PTBP2: variants seen among roughly 807,000 people sequenced by gnomAD.
PTBP2 encodes polypyrimidine tract binding protein 2.
A neutral mutation model predicts 61.4 loss-of-function variants in PTBP2; 13 were observed. The observed-to-expected ratio is 0.21, with a 90% CI of 0.14 to 0.34. The LOEUF (loss-of-function observed/expected upper bound fraction) is 0.34, where lower values mean the gene tolerates loss of function less well. PTBP2 is among the 10% of genes least tolerant of loss of function. The pLI is 1.00. For missense variants in PTBP2, 405 were observed against 642.6 expected, an observed-to-expected ratio of 0.63 and a Z score of 4.00; for synonymous variants, 215 against 218.5, an observed-to-expected ratio of 0.98 and a Z score of 0.14.
At chr1:96,754,977 T>A (rs1654996046) in intron 3 of PTBP2, among the ~76,000 whole-genome samples, 1 of 152,108 alleles carries the variant, frequency 6.6e-6, no homozygotes, top group African/African-American at 2.4e-5. Context: ...AAAAGCACAA[T>A]CTATTAAAAA....
intron 3 of PTBP2, among the ~76,000 whole-genome samples, chr1:96,759,060 A>T (rs938607715): frequency 8.5e-5 from 13 of 152,138 alleles, no homozygotes; most frequent in Non-Finnish European, 1.5e-5. Flanking sequence ...ATCAGACAAA[A>T]TATCAGGAAA....
At chr1:96,735,734 TAGGAGAAGC>T (rs1171944305) in intron 2 of PTBP2, among the ~76,000 whole-genome samples, 3 of 151,846 alleles carry the variant, frequency 2.0e-5, no homozygotes, top group Non-Finnish European at 4.4e-5. Context: ...GAGATGAAAA[TAGGAGAAGC>T]GTTAAAAATG....
intron 8 of PTBP2, among the ~76,000 whole-genome samples, chr1:96,791,629 A>G (rs1053370816): frequency 1.3e-5 from 2 of 152,088 alleles, no homozygotes; most frequent in Admixed American, 6.6e-5. Flanking sequence ...CTAAGAACTA[A>G]TCTTTTTGGA....
intron 2 of PTBP2, among the ~76,000 whole-genome samples, chr1:96,736,178 A>G (rs1652143700): frequency 6.6e-6 from 1 of 152,192 alleles, no homozygotes; most frequent in African/African-American, 2.4e-5. Context: ...CAAAAAAGCA[A>G]TTTAGGAAAT....
chr1:96,788,442 T>C (rs1004132578), intron 8 of PTBP2, among the ~76,000 whole-genome samples: 9 of 152,076 alleles, frequency 5.9e-5, no homozygotes, highest in African/African-American at 2.2e-4. Context: ...TCTTTTTGCT[T>C]TTTAAACATT....
intron 3 of PTBP2, among the ~76,000 whole-genome samples, chr1:96,762,247 C>G (rs1279982757): frequency 6.6e-6 from 1 of 150,992 alleles, no homozygotes; most frequent in African/African-American, 2.4e-5. Flanking sequence ...CTGTTGGGTA[C>G]ACCTCCCAGA....
chr1:96,772,647 A>G (rs920529210), intron 5 of PTBP2, among the ~76,000 whole-genome samples: 1 of 152,126 alleles, frequency 6.6e-6, no homozygotes, highest in East Asian at 1.9e-4. Flanking sequence ...TTTAGATTAC[A>G]TATGTAAGTG....
intron 2 of PTBP2, among the ~76,000 whole-genome samples, chr1:96,731,392 A>G (rs1018225047): frequency 6.6e-6 from 1 of 152,162 alleles, no homozygotes; most frequent in Admixed American, 6.5e-5. Flanking sequence ...TTTGTAATTT[A>G]TATTTTGAAA....
At chr1:96,791,027 A>T (rs1188019501) in intron 8 of PTBP2, among the ~76,000 whole-genome samples, 1 of 145,224 alleles carries the variant, frequency 6.9e-6, no homozygotes, top group Non-Finnish European at 1.5e-5. Context: ...AAAAAAAAAA[A>T]CCATCCAGGT....
intron 11 of PTBP2, among the ~76,000 whole-genome samples, chr1:96,809,508 A>AGTTT (rs151149272): frequency 3.3e-5 from 5 of 152,038 alleles, no homozygotes; most frequent in Admixed American, 1.3e-4. Flanking sequence ...ATGAGTCAGA[A>AGTTT]GTTTGTTTGT....
intron 2 of PTBP2, among the ~76,000 whole-genome samples, chr1:96,729,271 C>G (rs1326908318): frequency 6.6e-6 from 1 of 152,210 alleles, no homozygotes; most frequent in Non-Finnish European, 1.5e-5. Flanking sequence ...ATACACTTAC[C>G]TAGGCCTCCC....
At chr1:96,807,711 C>T (rs1305265787) in intron 11 of PTBP2, among the ~76,000 whole-genome samples, 1 of 152,102 alleles carries the variant, frequency 6.6e-6, no homozygotes, top group Admixed American at 6.5e-5. Context: ...GAACAACTTG[C>T]TATATTAGAC....
intron 5 of PTBP2, among the ~76,000 whole-genome samples, chr1:96,776,024 T>G (rs1477072444): frequency 6.6e-6 from 1 of 151,992 alleles, no homozygotes; most frequent in East Asian, 1.9e-4. Context: ...GATAATACTG[T>G]GAGGGGTTGG....
chr1:96,816,538 A>G (rs1316206954), downstream of PTBP2: 1 of 152,164 alleles, frequency 6.6e-6, no homozygotes, highest in Admixed American at 6.5e-5. Context: ...TCTACAGTTT[A>G]TATTTAACGT....
intron 2 of PTBP2, among the ~76,000 whole-genome samples, chr1:96,725,903 G>A (rs1328240653): frequency 6.6e-6 from 1 of 151,334 alleles, no homozygotes; most frequent in East Asian, 2.0e-4. Flanking sequence ...GTGAAACCCT[G>A]TCTTTACTAA....
chr1:96,784,457 G>A (rs991435494), intron 7 of PTBP2, among the ~76,000 whole-genome samples: 4 of 152,028 alleles, frequency 2.6e-5, no homozygotes, highest in African/African-American at 9.7e-5. Flanking sequence ...AGAACTTTTC[G>A]GGAATGACAT....
At chr1:96,730,079 G>C (rs1651196770) in intron 2 of PTBP2, among the ~76,000 whole-genome samples, 1 of 152,142 alleles carries the variant, frequency 6.6e-6, no homozygotes, top group Non-Finnish European at 1.5e-5. Context: ...AGTGATGTCA[G>C]CTTTCTCATT....
At chr1:96,740,554 T>G (rs1652862362) in intron 2 of PTBP2, among the ~76,000 whole-genome samples, 1 of 152,168 alleles carries the variant, frequency 6.6e-6, no homozygotes. Flanking sequence ...AACATAAGCA[T>G]TGAGTTGATA....
chr1:96,761,944 A>T (rs2100968972), intron 3 of PTBP2, among the ~76,000 whole-genome samples: 1 of 152,004 alleles, frequency 6.6e-6, no homozygotes, highest in Admixed American at 6.5e-5. Context: ...GATGACTCTT[A>T]ACGAGCATGC....
Sources: allele counts gnomAD v4.1 joint callset (sites outside exome capture counted in the v4.1 genomes callset), GRCh38; gene constraint gnomAD v4.1.1; transcripts MANE v1.5; gene names NCBI Gene and HGNC (gene_info 2026-07-23, HGNC 2026-07-21).